The following ERAP2 variants were observed in gnomAD, a reference collection of about 807,000 sequenced individuals.
ERAP2 encodes the protein leukocyte-derived arginine aminopeptidase.
In ERAP2, 118 loss-of-function variants were observed where a neutral mutation model predicts 111.1. The observed-to-expected ratio is 1.06, with a 90% CI of 0.92 to 1.24. The LOEUF is 1.24. Ranked by LOEUF, ERAP2 falls within the 50% of genes most tolerant of loss-of-function variation. The pLI is 0.00. For missense variants in ERAP2, 1,131 were observed against 1,125.8 expected (o/e 1.00, Z -0.07); for synonymous variants, 410 against 401.2 (o/e 1.02, Z -0.26).
intron 2 of ERAP2, among the ~76,000 whole-genome samples, chr5:96,882,164 T>C (rs1783202103): frequency 6.6e-6 from 1 of 152,206 alleles, no homozygotes; most frequent in Admixed American, 6.5e-5. Flanking sequence ...GTTTTCAGGC[T>C]CAGCACAGTA....
chr5:96,913,183 A>G (rs1786997330), intron 16 of ERAP2, 134 bp from the exon 17 acceptor site: 1 of 666,292 alleles, frequency 1.5e-6, no homozygotes, highest in Non-Finnish European at 2.4e-6. Flanking sequence ...GTTTAATTGA[A>G]ACATTAAAAA....
At chr5:96,916,456 C>CTTTTTTTTT (rs745860227) in intron 18 of ERAP2, among the ~76,000 whole-genome samples, 4 of 97,640 alleles carry the variant, frequency 4.1e-5, no homozygotes, top group African/African-American at 4.3e-5. Context: ...TTCTAGTTAT[C>CTTTTTTTTT]TTTTTTTTTT....
At position 96,917,762 on chromosome 5, in the gene ERAP2, C is replaced by T. The variant is rs1248063518; in HGVS notation, c.*157C>T. ...TCCGCTAAAAATACAAAAAATTAGC[C>T]GGGCATGGTGGCAGGTGCCTGTAGT... On this transcript the variant is annotated 3_prime_UTR_variant, in exon 19 of 19. Transcript: ENST00000437043. 3 of 459,218 alleles carry T rather than the reference C, an allele frequency of 6.5e-6. No individual in the cohort carries two copies. The highest frequency in any genetic ancestry group is 1.1e-5 in the Non-Finnish European group (3 of 268,554). The allele number at this position is 459,218 out of a possible 1,614,324, so 28.4% of individuals were successfully genotyped here.
At chr5:96,887,557 C>T (rs1284259440) in intron 4 of ERAP2, among the ~76,000 whole-genome samples, 1 of 152,072 alleles carries the variant, frequency 6.6e-6, no homozygotes, top group Non-Finnish European at 1.5e-5. Flanking sequence ...GCCTTGGCCT[C>T]CCAAAGTGTT....
intron 13 of ERAP2, among the ~76,000 whole-genome samples, chr5:96,905,228 T>G (rs1285824979): frequency 6.6e-6 from 1 of 152,142 alleles, no homozygotes; most frequent in Non-Finnish European, 1.5e-5. Context: ...AATGTGAAGT[T>G]GAGAAAAAGG....
chr5:96,889,831 TAC>T (rs58154009), intron 5 of ERAP2, among the ~76,000 whole-genome samples: 20,431 of 148,470 alleles, frequency 0.14, 1,395 homozygotes, highest in South Asian at 0.23. Context: ...AAAAAATACA[TAC>T]ACACACACAC....
intron 5 of ERAP2, among the ~76,000 whole-genome samples, chr5:96,891,481 A>ATG (rs1561371703): frequency 2.3e-5 from 2 of 88,846 alleles, no homozygotes; most frequent in African/African-American, 9.0e-5. Flanking sequence ...GTATATATAT[A>ATG]TATGTGTGTG....
intron 18 of ERAP2, 143 bp from the exon 19 acceptor site, chr5:96,917,319 G>C: frequency 1.7e-6 from 1 of 583,760 alleles, no homozygotes; most frequent in East Asian, 3.3e-5. Flanking sequence ...AGGGGTTCTG[G>C]CATGTTGCCT....
chr5:96,889,718 C>T (rs1405277058), intron 5 of ERAP2, among the ~76,000 whole-genome samples: 2 of 152,098 alleles, frequency 1.3e-5, no homozygotes, highest in Non-Finnish European at 2.9e-5. Context: ...CGGACATCAA[C>T]GCTCTCATCC....
chr5:96,883,488 A>G (rs1390930797), intron 2 of ERAP2, among the ~76,000 whole-genome samples: 1 of 152,226 alleles, frequency 6.6e-6, no homozygotes, highest in Non-Finnish European at 1.5e-5. Flanking sequence ...TCAGTCATTT[A>G]CTGGCTGCGG....
In ERAP2 at chr5:96,912,648, A is replaced by T. The variant is rs1197818349; in HGVS notation, c.2366A>T (p.Asp789Val). The change falls in exon 16 of 19, where the codon GAT (aspartate) becomes GTT (valine). Residue 789 changes from aspartate (D) to valine (V), a missense_variant. Around this residue, in one of 3 missense-constraint regions of ERAP2, gnomAD observed 279 missense variants for 250.9 expected, o/e 1.11. Transcript: ENST00000437043. ...GCTTGATATTACAGTATACCAACAG[A>T]TGTTTTAAAGATTGTGTATTCTGTG... ...ESSGKLNIPT[D>V]VLKIVYSVGA... The T allele has an allele frequency of 4.4e-6, 7 of 1,608,376 alleles. No individual in the cohort carries two copies. Among genetic ancestry groups the T allele is most frequent in the Non-Finnish European group, 5.9e-6 (7 of 1,178,524 alleles).
At chr5:96,878,615 GA>G (rs1782805768) in intron 1 of ERAP2, among the ~76,000 whole-genome samples, 1 of 151,442 alleles carries the variant, frequency 6.6e-6, no homozygotes, top group East Asian at 1.9e-4. Flanking sequence ...GCAACATGGT[GA>G]CACATTGTCT....
At chr5:96,887,309 T>TC (rs1194020418) in intron 4 of ERAP2, among the ~76,000 whole-genome samples, 1 of 150,968 alleles carries the variant, frequency 6.6e-6, no homozygotes, top group Non-Finnish European at 1.5e-5. Context: ...CCGACTTTTT[T>TC]TTTTTTTTTG....
At position 96,913,340 on chromosome 5, in the gene ERAP2, G is replaced by A. The variant is rs570709513; in HGVS notation, c.2540G>A (p.Gly847Glu). The change falls in exon 17 of 19, where the codon GGA becomes GAA. Residue 847 changes from glycine to glutamate, a missense_variant. Around this residue, in one of 3 missense-constraint regions of ERAP2, gnomAD observed 279 missense variants for 250.9 expected, o/e 1.11. Coordinates refer to ENST00000437043, the MANE Select transcript of ERAP2 (RefSeq NM_022350.5). ...AGGTTAATTGAACTAGGAATGGAAG[G>A]AAAGGTTATCAAGACACAGAACTTG... is the stretch of plus-strand genomic sequence containing the variant. ...LLKLIELGME[G>E]KVIKTQNLAA... The A allele has an allele frequency of 2.5e-6, 4 of 1,614,018 alleles. No individual in the cohort carries two copies. Among genetic ancestry groups the A allele is most frequent in the South Asian group, 1.1e-5 (1 of 91,070 alleles).
Position 96,903,487 on chromosome 5 carries a change from C to G in ERAP2, c.1939C>G (p.Leu647Val). The G allele has an allele frequency of 6.2e-7, 1 of 1,614,036 alleles. No individual in the cohort carries two copies. The highest frequency in any genetic ancestry group is 8.5e-7 in the Non-Finnish European group (1 of 1,179,946). Residue 647 changes from leucine to valine, a missense_variant, in exon 13 of 19, where the codon CTG (leucine) becomes GTG (valine). By Grantham distance (32) the Leu-to-Val change is conservative. Transcript: ENST00000437043. ...TGGATGGGACCAACTCATTACACAG[C>G]TGAATCAGAACCACACACTTCTCAG... is the stretch of plus-strand genomic sequence containing the variant. ...GHGWDQLITQLNQNHTLLRPK... is the reference protein window; with the variant it reads ...GHGWDQLITQVNQNHTLLRPK...
intron 2 of ERAP2, chr5:96,881,173 A>G (rs2151116370): frequency 3.1e-6 from 1 of 318,144 alleles, no homozygotes; most frequent in East Asian, 8.5e-5. Flanking sequence ...GAAATGGGAA[A>G]TCACTGGAGG....
In ERAP2 at chr5:96,879,671, T is replaced by C. The variant is rs754918976; in HGVS notation, c.-15T>C. Reference sequence around the variant, plus strand: ...TTAGCCTGGATATTAACTTGTCTTCTAGAGAATAGATTTCATGTTCCATTC... The same window carrying C: ...TTAGCCTGGATATTAACTTGTCTTCCAGAGAATAGATTTCATGTTCCATTC... On this transcript the variant is annotated 5_prime_UTR_variant, in exon 2 of 19. Coordinates refer to ENST00000437043, the MANE Select transcript of ERAP2 (RefSeq NM_022350.5). The C allele has an allele frequency of 8.7e-6, 14 of 1,606,972 alleles. No individual in the cohort carries two copies. The East Asian group carries it at 3.1e-4, about 36-fold the overall frequency.
rs772566432 is a variant in ERAP2 at position 96,909,562 on chromosome 5, A to C, written c.2170-18A>C. 3.1e-6 allele frequency: 5 copies of C among 1,603,812 alleles called. No individual in the cohort carries two copies. In the South Asian group the frequency reaches 5.5e-5, roughly 18 times the overall value. The stretch of plus-strand genomic sequence containing the variant: ...ACTAAATTTAGCCTCTCTGTTAACC[A>C]TCTCATATTTTCTGCAGCGTTACCT... On this transcript the variant is annotated intron_variant, in intron 14 of 18. Coordinates refer to ENST00000437043, the MANE Select transcript of ERAP2 (RefSeq NM_022350.5).
Position 96,880,235 on chromosome 5 carries a change from T to A in ERAP2, c.550T>A (p.Tyr184Asn), listed in dbSNP as rs747756184. 4 of 1,612,652 alleles carry A rather than the reference T, an allele frequency of 2.5e-6. No homozygotes were observed. Among genetic ancestry groups the A allele is most frequent in the Non-Finnish European group, 3.4e-6 (4 of 1,179,114 alleles). ...DGFEGFYKST[Y>N]RTLGGETRIL... ...CTTTGAAGGGTTTTATAAAAGCACA[T>A]ACAGAACTCTTGGTGGTGAAACAAG... Residue 184 changes from tyrosine to asparagine, a missense_variant, in exon 2 of 19, where the codon TAC (tyrosine) becomes AAC (asparagine). Physicochemically the swap from Tyr to Asn is moderately radical, Grantham distance 143 (BLOSUM62 -2). Transcript: ENST00000437043.
Sources: allele counts gnomAD v4.1 joint callset (sites outside exome capture counted in the v4.1 genomes callset), GRCh38; gene constraint gnomAD v4.1.1; regional missense constraint gnomAD v4.1.1; transcripts MANE v1.5; gene names NCBI Gene and HGNC (gene_info 2026-07-23, HGNC 2026-07-21).